The following GSG1L variants were observed in gnomAD, a reference collection of about 807,000 sequenced individuals.
The protein encoded by GSG1L is GSG1 like.
A neutral mutation model predicts 42.1 loss-of-function variants in GSG1L; 24 were observed. The ratio of observed to expected loss-of-function variants is 0.57; its 90% CI spans 0.41 to 0.80. GSG1L has a LOEUF of 0.80. GSG1L is among the 30% of genes least tolerant of loss of function. GSG1L has a pLI of 0.00. For synonymous variants in GSG1L, 215 were observed against 203.5 expected (o/e 1.06, Z -0.48); for missense variants, 445 against 472.2 (o/e 0.94, Z 0.53).
rs74015130 is a variant in GSG1L at position 27,901,414 on chromosome 16, G to A, written c.398-16776C>T. Among the ~76,000 whole-genome samples, 1,053 of 152,308 alleles carry A rather than the reference G, an allele frequency of 6.9e-3. 15 individuals are homozygous for A. The highest frequency in any genetic ancestry group is 0.024 in the African/African-American group (1,001 of 41,564). ...CAGTGACAGGCTAGTGAGAGTTAACGTGATCCTGCCACCTCAGTTCTTAGA... is the reference window on the plus strand; with the variant it reads ...CAGTGACAGGCTAGTGAGAGTTAACATGATCCTGCCACCTCAGTTCTTAGA... On this transcript the variant is annotated intron_variant, in intron 2 of 6. Transcript: ENST00000447459.
intron 2 of GSG1L, among the ~76,000 whole-genome samples, chr16:27,949,206 G>A (rs1197415853): frequency 1.3e-5 from 2 of 150,834 alleles, no homozygotes; most frequent in Admixed American, 6.7e-5. Flanking sequence ...ATGAGCCACC[G>A]CCACTACTCT....
rs1456481183 is a variant in GSG1L, at chr16:28,063,003, G to C, written c.349+73C>G. On this transcript the variant is annotated intron_variant, in intron 1 of 6. Transcript: ENST00000447459. The surrounding 1 kb of genome is among the most constrained non-coding windows in gnomAD (Gnocchi z 5.8). ...GGCGGGAGGAGGGCGAACGGGTCCG[G>C]GGCTCGGGCCTCGATGGCCGCGCCG... is the stretch of plus-strand genomic sequence containing the variant. 3.1e-6 allele frequency: 4 copies of C among 1,272,210 alleles called. No homozygotes were observed. In the African/African-American group the frequency reaches 6.3e-5, roughly 20 times the overall value. The allele number at this position is 1,272,210 out of a possible 1,614,324, so 78.8% of individuals were successfully genotyped here.
chr16:27,926,855 C>T (rs933009535), intron 2 of GSG1L, among the ~76,000 whole-genome samples: 1 of 152,198 alleles, frequency 6.6e-6, no homozygotes, highest in Non-Finnish European at 1.5e-5. Context: ...GGGATAGAAG[C>T]ATTTAATAAC....
At chr16:27,979,737 G>GGAAGGAA (rs2085301412) in intron 1 of GSG1L, among the ~76,000 whole-genome samples, 1 of 35,644 alleles carries the variant, frequency 2.8e-5, no homozygotes. Context: ...GAAAGAAAAA[G>GGAAGGAA]AAAGAAAGAA....
chr16:27,827,632 G>A (rs1029403348), intron 5 of GSG1L, among the ~76,000 whole-genome samples: 1 of 152,128 alleles, frequency 6.6e-6, no homozygotes, highest in African/African-American at 2.4e-5. Context: ...GAAATTTCTG[G>A]TTTCAGGCTG....
At chr16:27,885,201 G>A (rs1567504096) in intron 2 of GSG1L, among the ~76,000 whole-genome samples, 1 of 152,140 alleles carries the variant, frequency 6.6e-6, no homozygotes, top group Non-Finnish European at 1.5e-5. Flanking sequence ...CCAGGCTGGA[G>A]TGCAGTGGTG....
intron 5 of GSG1L, among the ~76,000 whole-genome samples, chr16:27,809,850 T>C (rs1334396095): frequency 6.6e-6 from 1 of 152,122 alleles, no homozygotes; most frequent in Non-Finnish European, 1.5e-5. Context: ...CTCAATCCTT[T>C]CCAAAACAAA....
chr16:27,875,713 C>G lies in GSG1L; in HGVS notation c.550+8773G>C, dbSNP rs542702646. Among the ~76,000 whole-genome samples the G allele has an allele frequency of 8.5e-5, 13 of 152,292 alleles. No homozygotes were observed. The South Asian group carries it at 1.9e-3, about 22-fold the overall frequency. On this transcript the variant is annotated intron_variant, in intron 3 of 6. Coordinates refer to ENST00000447459, the MANE Select transcript of GSG1L (RefSeq NM_001109763.2). ...CTGGCTAATGAGAGTAATTCATCCT[C>G]TGGCATGGTAATTTGTTTAGAAATG...
intron 1 of GSG1L, among the ~76,000 whole-genome samples, chr16:28,008,984 T>C (rs769738011): frequency 3.3e-5 from 5 of 152,116 alleles, no homozygotes; most frequent in Admixed American, 6.5e-5. Flanking sequence ...AATTTTTGTA[T>C]TTTTAGTAGA....
At chr16:27,792,309 G>A (rs1267472384) in intron 6 of GSG1L, among the ~76,000 whole-genome samples, 2 of 152,128 alleles carry the variant, frequency 1.3e-5, no homozygotes, top group East Asian at 3.9e-4. Flanking sequence ...GCCCTAAGCT[G>A]ACTCTGAGAA....
chr16:27,897,008 C>T (rs970409382), intron 2 of GSG1L, among the ~76,000 whole-genome samples: 2 of 152,156 alleles, frequency 1.3e-5, no homozygotes, highest in Non-Finnish European at 2.9e-5. Flanking sequence ...GGATTACAGG[C>T]GTACACCATC....
intron 1 of GSG1L, among the ~76,000 whole-genome samples, chr16:28,023,507 G>C (rs1299495334): frequency 6.6e-6 from 1 of 152,210 alleles, no homozygotes. Context: ...AACATTTATG[G>C]TTCTGATACA....
chr16:28,013,051 CCTCT>C lies in GSG1L; in HGVS notation c.350-49852_350-49849del, dbSNP rs368511580. On this transcript the variant is annotated intron_variant, in intron 1 of 6. Coordinates refer to ENST00000447459, the MANE Select transcript of GSG1L (RefSeq NM_001109763.2). Reference sequence around the variant, plus strand: ...ACCAGCCTGACCAATATGGTGAAACCCTCTCTCTACTAAATACAAAAAATTAGCC... The same window carrying C: ...ACCAGCCTGACCAATATGGTGAAACCCTCTACTAAATACAAAAAATTAGCC... Among the ~76,000 whole-genome samples, 325 of 151,812 alleles carry C rather than the reference CCTCT, an allele frequency of 2.1e-3. 2 individuals are homozygous for C. Among genetic ancestry groups the C allele is most frequent in the African/African-American group, 7.7e-3 (319 of 41,410 alleles).
intron 2 of GSG1L, among the ~76,000 whole-genome samples, chr16:27,959,266 T>C (rs1253421839): frequency 6.8e-6 from 1 of 147,770 alleles, no homozygotes; most frequent in Non-Finnish European, 1.5e-5. Context: ...GAGACCAGCC[T>C]GGGCAACATG....
chr16:27,919,945 A>G (rs2084505218), intron 2 of GSG1L, among the ~76,000 whole-genome samples: 1 of 152,234 alleles, frequency 6.6e-6, no homozygotes, highest in African/African-American at 2.4e-5. Context: ...CTTGATGAGG[A>G]TCTATCCCAT....
At chr16:27,820,102 G>A (rs2083135872) in intron 5 of GSG1L, among the ~76,000 whole-genome samples, 1 of 152,182 alleles carries the variant, frequency 6.6e-6, no homozygotes, top group African/African-American at 2.4e-5. Context: ...GGGAGAGATG[G>A]AAATAAGACT....
At position 27,878,731 on chromosome 16, in the gene GSG1L, C is replaced by A. The variant is rs184347223; in HGVS notation, c.550+5755G>T. Among the ~76,000 whole-genome samples the A allele has an allele frequency of 6.0e-3, 918 of 152,292 alleles. 6 individuals are homozygous for A. Among genetic ancestry groups the A allele is most frequent in the Non-Finnish European group, 9.8e-3 (668 of 68,024 alleles). On this transcript the variant is annotated intron_variant, in intron 3 of 6. Transcript: ENST00000447459. ...GGGTTACAGGCATGAGCCATCACAC[C>A]CAACCTGTTAAAGAAAAACTTATCC...
intron 6 of GSG1L, among the ~76,000 whole-genome samples, chr16:27,794,192 A>AT (rs960769860): frequency 6.6e-6 from 1 of 151,634 alleles, no homozygotes; most frequent in South Asian, 2.1e-4. Flanking sequence ...TTATTTATTT[A>AT]TTTTTTGTAG....
chr16:27,890,545 C>T (rs180748478), intron 2 of GSG1L, among the ~76,000 whole-genome samples: 30 of 152,336 alleles, frequency 2.0e-4, no homozygotes, highest in Admixed American at 2.0e-3. Context: ...AACTGATAAC[C>T]CCTGAGGGGT....
Sources: allele counts gnomAD v4.1 joint callset (sites outside exome capture counted in the v4.1 genomes callset), GRCh38; gene constraint gnomAD v4.1.1; non-coding constraint Gnocchi (gnomAD v3.1); transcripts MANE v1.5; gene names NCBI Gene and HGNC (gene_info 2026-07-23, HGNC 2026-07-21).